Variants in GRAMD1B observed in about 807,000 individuals in gnomAD.
GRAMD1B encodes the protein protein Aster-B.
A neutral mutation model predicts 99.7 loss-of-function variants in GRAMD1B; 37 were observed. That is an observed-to-expected ratio of 0.37 (90% CI 0.29 to 0.49). The LOEUF (loss-of-function observed/expected upper bound fraction) is 0.49, where lower values mean the gene tolerates loss of function less well. Among genes scored for constraint, GRAMD1B ranks in the 20% least tolerant of loss-of-function variants. The probability of loss-of-function intolerance (pLI) is 0.98; values close to 1 mark genes in which losing one functional copy is unlikely to be tolerated. For synonymous variants in GRAMD1B, 427 were observed against 387.6 expected, an observed-to-expected ratio of 1.10 and a Z score of -1.19; for missense variants, 888 against 1,009.2, an observed-to-expected ratio of 0.88 and a Z score of 1.63.
intron 2 of GRAMD1B, among the ~76,000 whole-genome samples, chr11:123,511,191 T>A (rs1255617117): frequency 6.6e-6 from 1 of 152,176 alleles, no homozygotes; most frequent in East Asian, 1.9e-4. Context: ...CTCCCTGTTG[T>A]ATAAGGAATG....
chr11:123,435,474 GA>G, intron 1 of GRAMD1B: 1 of 702,780 alleles, frequency 1.4e-6, no homozygotes, highest in Non-Finnish European at 2.6e-6. Context: ...TTGAAAATAT[GA>G]AGAGGATTAG....
rs1000681741 is a variant in GRAMD1B, at chr11:123,591,593, G to A, written c.685-2489G>A. Reference sequence around the variant, plus strand: ...GTCTCTGTGGTAGTTCTGCACCCTTGTTATGCCACTTGGCTCTCCTACCCG... The same window carrying A: ...GTCTCTGTGGTAGTTCTGCACCCTTATTATGCCACTTGGCTCTCCTACCCG... On this transcript the variant is annotated intron_variant, in intron 4 of 19. Coordinates refer to ENST00000635736, the MANE Select transcript of GRAMD1B (RefSeq NM_001387025.1). This position sits in a 1 kb window ranked among gnomAD's most constrained non-coding sequence, Gnocchi z 4.7. 1 of 398,290 alleles carries A rather than the reference G, an allele frequency of 2.5e-6. No individual in the cohort carries two copies. The highest frequency in any genetic ancestry group is 4.4e-6 in the Non-Finnish European group (1 of 226,048). 24.7% of individuals were successfully genotyped at this position (398,290 alleles called of 1,614,324 possible). A position where few individuals can be genotyped will look rare whatever the true frequency, so the allele number is the denominator to read the frequency against.
intron 2 of GRAMD1B, among the ~76,000 whole-genome samples, chr11:123,545,725 A>G (rs1056560878): frequency 1.4e-5 from 2 of 145,002 alleles, no homozygotes; most frequent in Non-Finnish European, 3.0e-5. Context: ...TAAGAGTATT[A>G]TGTAAGTTTT....
chr11:123,455,777 CTAAACCATAAGAA>C (rs1950088347), intron 1 of GRAMD1B, among the ~76,000 whole-genome samples: 1 of 152,116 alleles, frequency 6.6e-6, no homozygotes. Flanking sequence ...ATCCCTTCTG[CTAAACCATAAGAA>C]TTTGAGGTCC....
intron 2 of GRAMD1B, among the ~76,000 whole-genome samples, chr11:123,485,743 A>G (rs35871881): frequency 0.19 from 27,920 of 148,120 alleles, 2,917 homozygotes; most frequent in Admixed American, 0.26. Context: ...TTGAGACAGA[A>G]TCTTGCTCTG....
chr11:123,430,265 C>T (rs1277872200), upstream of GRAMD1B: 1 of 148,082 alleles, frequency 6.8e-6, no homozygotes, highest in Non-Finnish European at 1.5e-5. Context: ...CGCTTCCTCT[C>T]TCTCTCTCTC....
rs1264681977 is a variant in GRAMD1B at position 123,480,882 on chromosome 11, G to A, written c.441G>A (p.Ala147=). 1.3e-5 allele frequency: 5 copies of A among 398,364 alleles called. No homozygotes were observed. Among genetic ancestry groups the A allele is most frequent in the East Asian group, 3.6e-5 (1 of 28,028 alleles). The allele number at this position is 398,364 out of a possible 1,614,324, so 24.7% of individuals were successfully genotyped here. Residue 147 remains alanine (A), a synonymous_variant, in exon 2 of 20, where the codon GCG becomes GCA. Coordinates refer to ENST00000635736, the MANE Select transcript of GRAMD1B (RefSeq NM_001387025.1). The part of the protein sequence containing the change: ...DDSSRFLSPR[A]REESTASNSN... ...CTAGCAGGTTCCTGAGTCCTCGAGCGCGGGAAGAAAGGTAAGGTCCAACTC... is the reference window on the plus strand; with the variant it reads ...CTAGCAGGTTCCTGAGTCCTCGAGCACGGGAAGAAAGGTAAGGTCCAACTC...
At chr11:123,472,104 G>A (rs1024584475) in intron 1 of GRAMD1B, among the ~76,000 whole-genome samples, 1 of 151,874 alleles carries the variant, frequency 6.6e-6, no homozygotes, top group Non-Finnish European at 1.5e-5. Flanking sequence ...ATGGTGGTGC[G>A]GGCCTGTCAT....
At chr11:123,585,584 C>T (rs751077429) in intron 4 of GRAMD1B, among the ~76,000 whole-genome samples, 11 of 152,180 alleles carry the variant, frequency 7.2e-5, no homozygotes, top group Non-Finnish European at 1.6e-4. Flanking sequence ...TATCTCTGAG[C>T]CACCCCCTTA....
At chr11:123,518,940 A>G (rs1941935376) in intron 2 of GRAMD1B, among the ~76,000 whole-genome samples, 1 of 152,188 alleles carries the variant, frequency 6.6e-6, no homozygotes, top group South Asian at 2.1e-4. Flanking sequence ...AGGTGATTCT[A>G]TTCATTTTAT....
intron 1 of GRAMD1B, among the ~76,000 whole-genome samples, chr11:123,374,715 G>A (rs17127297): frequency 0.02 from 3,016 of 152,306 alleles, 54 homozygotes; most frequent in Middle Eastern, 0.071. Flanking sequence ...GGGCTAATGA[G>A]CTTTCACTCT....
chr11:123,490,261 G>T (rs1320055919), intron 2 of GRAMD1B, among the ~76,000 whole-genome samples: 1 of 152,208 alleles, frequency 6.6e-6, no homozygotes, highest in Non-Finnish European at 1.5e-5. Flanking sequence ...CTTGGGCAAA[G>T]ATTAGAAGGG....
At chr11:123,609,651 C>A (rs1485745988) in intron 12 of GRAMD1B, 144 bp from the exon 13 acceptor site, 16 of 596,390 alleles carry the variant, frequency 2.7e-5, no homozygotes, top group Middle Eastern at 4.1e-4. Context: ...CCACCCTCCC[C>A]CCGGCCCTCG....
chr11:123,481,272 C>A (rs1044304261), intron 2 of GRAMD1B, among the ~76,000 whole-genome samples: 2 of 152,014 alleles, frequency 1.3e-5, no homozygotes, highest in Admixed American at 6.6e-5. Flanking sequence ...CTGGTCAACA[C>A]GGTAAAGCCT....
chr11:123,512,081 C>G (rs543914529), intron 2 of GRAMD1B, among the ~76,000 whole-genome samples: 1 of 152,348 alleles, frequency 6.6e-6, no homozygotes, highest in African/African-American at 2.4e-5. Context: ...TCTCTCTTTT[C>G]CTTCCTTCCA....
chr11:123,560,710 GTGTGT>G (rs1946662700), intron 2 of GRAMD1B: 1 of 453,734 alleles, frequency 2.2e-6, no homozygotes, highest in Non-Finnish European at 4.4e-6. Flanking sequence ...GTGTGTGTGT[GTGTGT>G]GTGTGTGTGT....
chr11:123,504,685 CT>C (rs1161490714), intron 2 of GRAMD1B, among the ~76,000 whole-genome samples: 1 of 152,084 alleles, frequency 6.6e-6, no homozygotes, highest in East Asian at 1.9e-4. Context: ...CTCTGATTTT[CT>C]TTTTTTCTTT....
intron 2 of GRAMD1B, among the ~76,000 whole-genome samples, chr11:123,528,785 A>G (rs2135516592): frequency 6.6e-6 from 1 of 152,128 alleles, no homozygotes; most frequent in East Asian, 1.9e-4. Context: ...TTTGATTCTT[A>G]CTATAACCTC....
chr11:123,446,373 C>T (rs547237050), intron 1 of GRAMD1B, among the ~76,000 whole-genome samples: 4 of 151,908 alleles, frequency 2.6e-5, no homozygotes, highest in Admixed American at 6.6e-5. Flanking sequence ...ACCATGTTGG[C>T]CAGGCTAATC....
Sources: allele counts gnomAD v4.1 joint callset (sites outside exome capture counted in the v4.1 genomes callset), GRCh38; gene constraint gnomAD v4.1.1; non-coding constraint Gnocchi (gnomAD v3.1); transcripts MANE v1.5; gene names NCBI Gene and HGNC (gene_info 2026-07-23, HGNC 2026-07-21).